The following AUTS2 variants were observed in gnomAD, a reference collection of about 807,000 sequenced individuals.
AUTS2 encodes the protein activator of transcription and developmental regulator AUTS2, also known as autism susceptibility gene 2 protein.
AUTS2 carries 17 observed loss-of-function variants against 112.4 expected under a neutral mutation model. That is an observed-to-expected ratio of 0.15 (90% CI 0.10 to 0.23). The LOEUF is 0.23. AUTS2 is among the 10% of genes least tolerant of loss of function. AUTS2 has a pLI of 1.00. For synonymous variants in AUTS2, 751 were observed against 702.7 expected (o/e 1.07, Z -1.09); for missense variants, 1,510 against 1,701.6 (o/e 0.89, Z 1.98).
intron 1 of AUTS2, among the ~76,000 whole-genome samples, chr7:69,653,411 A>G (rs1045998473): frequency 2.0e-5 from 3 of 152,184 alleles, no homozygotes; most frequent in East Asian, 1.9e-4. Flanking sequence ...TTGGATGAAG[A>G]TAGTATCTCT....
intron 4 of AUTS2, among the ~76,000 whole-genome samples, chr7:70,378,872 C>A (rs1291361222): frequency 1.3e-5 from 2 of 152,182 alleles, no homozygotes; most frequent in Non-Finnish European, 1.5e-5. Context: ...ATGTTAAAAG[C>A]TATAAGTATA....
At chr7:69,609,228 C>T (rs528620549) in intron 1 of AUTS2, among the ~76,000 whole-genome samples, 57 of 152,146 alleles carry the variant, frequency 3.7e-4, no homozygotes, top group South Asian at 2.3e-3. Context: ...GGATTGGGAA[C>T]CTTGGAAGGA....
At chr7:69,915,988 GGATTACAGGCGT>G (rs566668145) in intron 2 of AUTS2, among the ~76,000 whole-genome samples, 100 of 152,238 alleles carry the variant, frequency 6.6e-4, no homozygotes, top group African/African-American at 2.3e-3. Context: ...CAAAGTGCTG[GGATTACAGGCGT>G]GAGCCACCGT....
At chr7:70,783,741 T>C (rs1232716404) in intron 15 of AUTS2, 3 of 152,208 alleles carry the variant, frequency 2.0e-5, no homozygotes, top group Non-Finnish European at 4.4e-5. Context: ...TGCTATTGGG[T>C]GCTAATCCCA....
intron 4 of AUTS2, among the ~76,000 whole-genome samples, chr7:70,306,673 G>C (rs1434836895): frequency 2.0e-5 from 3 of 152,164 alleles, no homozygotes; most frequent in Non-Finnish European, 4.4e-5. Flanking sequence ...TTTCAGTCTA[G>C]TTTTTACAAG....
chr7:70,011,484 A>C (rs2129554239), intron 2 of AUTS2, among the ~76,000 whole-genome samples: 2 of 152,278 alleles, frequency 1.3e-5, no homozygotes, highest in East Asian at 3.9e-4. Context: ...TGTAACTTGG[A>C]AACTGTTTTC....
At chr7:69,702,497 C>T (rs554096779) in intron 1 of AUTS2, among the ~76,000 whole-genome samples, 1 of 152,240 alleles carries the variant, frequency 6.6e-6, no homozygotes, top group South Asian at 2.1e-4. Context: ...AGGAGGACTT[C>T]GTAGTAGTTC....
intron 2 of AUTS2, among the ~76,000 whole-genome samples, chr7:70,071,626 C>G (rs1802771833): frequency 6.6e-6 from 1 of 152,140 alleles, no homozygotes. Context: ...GCTACAGGGT[C>G]TGATGCTGGC....
chr7:70,629,450 C>T (rs566389344), intron 5 of AUTS2, among the ~76,000 whole-genome samples: 15 of 151,318 alleles, frequency 9.9e-5, no homozygotes, highest in South Asian at 2.1e-4. Flanking sequence ...CCAGCCTGGG[C>T]GACAAAGCGA....
intron 4 of AUTS2, among the ~76,000 whole-genome samples, chr7:70,393,432 C>T (rs914805585): frequency 6.6e-6 from 1 of 152,048 alleles, no homozygotes; most frequent in South Asian, 2.1e-4. Context: ...CTAGTTTGTC[C>T]TGGACACAGT....
At chr7:69,910,982 A>C (rs1254522306) in intron 2 of AUTS2, among the ~76,000 whole-genome samples, 3 of 152,200 alleles carry the variant, frequency 2.0e-5, no homozygotes, top group Non-Finnish European at 4.4e-5. Flanking sequence ...TTATCACGAG[A>C]ACAGCATGGG....
At chr7:70,084,256 A>G (rs561292907) in intron 2 of AUTS2, among the ~76,000 whole-genome samples, 37 of 152,228 alleles carry the variant, frequency 2.4e-4, no homozygotes, top group African/African-American at 8.4e-4. Flanking sequence ...TGTGCTGTAT[A>G]TAATGTTTCA....
chr7:70,330,934 T>C (rs1790716798), intron 4 of AUTS2, among the ~76,000 whole-genome samples: 1 of 152,218 alleles, frequency 6.6e-6, no homozygotes, highest in African/African-American at 2.4e-5. Flanking sequence ...AGATTGTTCA[T>C]TGCTGATGTG....
chr7:70,312,195 C>T (rs1789791028), intron 4 of AUTS2, among the ~76,000 whole-genome samples: 1 of 152,144 alleles, frequency 6.6e-6, no homozygotes, highest in African/African-American at 2.4e-5. Context: ...AAGAAAGTTA[C>T]TCTACTTAAA....
intron 1 of AUTS2, among the ~76,000 whole-genome samples, chr7:69,823,686 C>T (rs1347308673): frequency 6.6e-6 from 1 of 152,112 alleles, no homozygotes; most frequent in Non-Finnish European, 1.5e-5. Context: ...CAGCTTTACA[C>T]CACCATTATC....
At chr7:69,678,821 G>T (rs745655809) in intron 1 of AUTS2, among the ~76,000 whole-genome samples, 1 of 152,234 alleles carries the variant, frequency 6.6e-6, no homozygotes, top group Non-Finnish European at 1.5e-5. Context: ...CTATTTCAGA[G>T]AAACAACTTG....
intron 4 of AUTS2, among the ~76,000 whole-genome samples, chr7:70,259,859 T>A (rs1787073633): frequency 6.6e-6 from 1 of 152,138 alleles, no homozygotes; most frequent in South Asian, 2.1e-4. Context: ...AGCCAAAAAG[T>A]TTGAGTGAAG....
intron 4 of AUTS2, among the ~76,000 whole-genome samples, chr7:70,364,382 G>A (rs943007113): frequency 6.6e-6 from 1 of 151,788 alleles, no homozygotes; most frequent in Admixed American, 6.6e-5. Flanking sequence ...GGCCAACATG[G>A]TGAAACCCAG....
intron 5 of AUTS2, among the ~76,000 whole-genome samples, chr7:70,647,696 A>G (rs959893823): frequency 1.3e-5 from 2 of 152,054 alleles, no homozygotes; most frequent in African/African-American, 4.8e-5. Flanking sequence ...TGGGTATCAT[A>G]CCTGTCTCTC....
Sources: allele counts gnomAD v4.1 joint callset (sites outside exome capture counted in the v4.1 genomes callset), GRCh38; gene constraint gnomAD v4.1.1; transcripts MANE v1.5; gene names NCBI Gene and HGNC (gene_info 2026-07-23, HGNC 2026-07-21).